Variants in SGCZ observed in about 807,000 individuals in gnomAD.
SGCZ encodes sarcoglycan zeta.
SGCZ carries 40 observed loss-of-function variants against 41.3 expected under a neutral mutation model. The observed-to-expected ratio is 0.97, with a 90% CI of 0.75 to 1.26. The LOEUF (loss-of-function observed/expected upper bound fraction) is 1.26. SGCZ is among the 50% of genes most tolerant of loss of function. The pLI, the probability that SGCZ is intolerant of heterozygous loss-of-function variation, is 0.00. For synonymous variants in SGCZ, 206 were observed against 137.5 expected, an observed-to-expected ratio of 1.50 and a Z score of -3.49; for missense variants, 552 against 369.8, an observed-to-expected ratio of 1.49 and a Z score of -4.04.
chr8:14,784,752 A>AT (rs1298659145), intron 1 of SGCZ, among the ~76,000 whole-genome samples: 1 of 150,818 alleles, frequency 6.6e-6, no homozygotes, highest in Non-Finnish European at 1.5e-5. Context: ...AAAATACAAA[A>AT]TTAGGCGGGC....
chr8:14,396,704 G>C (rs1023395953), intron 2 of SGCZ, among the ~76,000 whole-genome samples: 1 of 151,864 alleles, frequency 6.6e-6, no homozygotes, highest in African/African-American at 2.4e-5. Context: ...TTTTCTGAGA[G>C]CAATTTTCAT....
At chr8:14,335,493 T>G (rs1802477583) in intron 2 of SGCZ, among the ~76,000 whole-genome samples, 3 of 152,268 alleles carry the variant, frequency 2.0e-5, no homozygotes, top group South Asian at 4.1e-4. Context: ...AATATTAGCT[T>G]CTTTTTAACA....
At chr8:14,999,029 G>A (rs564691434) in intron 1 of SGCZ, among the ~76,000 whole-genome samples, 1 of 152,116 alleles carries the variant, frequency 6.6e-6, no homozygotes, top group Admixed American at 6.5e-5. Flanking sequence ...CCACACTTAG[G>A]GGTGTTGTGT....
chr8:14,713,780 A>C (rs1309250479), intron 1 of SGCZ, among the ~76,000 whole-genome samples: 7 of 151,762 alleles, frequency 4.6e-5, no homozygotes, highest in African/African-American at 1.5e-4. Context: ...TATTTATGTT[A>C]ATTTGTTATT....
At chr8:14,885,985 T>TTTTATATATATA in intron 1 of SGCZ, among the ~76,000 whole-genome samples, 1 of 55,984 alleles carries the variant, frequency 1.8e-5, no homozygotes, top group South Asian at 8.5e-4. Context: ...GGACTTTATG[T>TTTTATATATATA]TATATATATA....
At chr8:14,146,023 A>C (rs932637294) in intron 5 of SGCZ, among the ~76,000 whole-genome samples, 2 of 152,198 alleles carry the variant, frequency 1.3e-5, no homozygotes, top group African/African-American at 4.8e-5. Flanking sequence ...TAGAACATTT[A>C]TTCAAAAGGA....
At chr8:14,524,465 T>C (rs1802881129) in intron 2 of SGCZ, among the ~76,000 whole-genome samples, 1 of 152,082 alleles carries the variant, frequency 6.6e-6, no homozygotes, top group Admixed American at 6.6e-5. Context: ...GATACTGTAG[T>C]AGGGGTCTCC....
chr8:14,885,988 TATATATA>T lies in SGCZ; in HGVS notation c.40-331069_40-331063del, dbSNP rs1563339048. Reference sequence around the variant, plus strand: ...TTTAATCATAAAGGACTTTATGTTATATATATATATATATATATATATATATATATAT... The same window carrying T: ...TTTAATCATAAAGGACTTTATGTTATTATATATATATATATATATATATAT... On this transcript the variant is annotated intron_variant, in intron 1 of 7. Transcript: ENST00000382080. 2.4e-3 allele frequency among the ~76,000 whole-genome samples: 32 copies of T among 13,232 alleles called. No individual in the cohort carries two copies. In the South Asian group the frequency reaches 0.033, roughly 14 times the overall value. The allele number at this position is 13,232 out of a possible 152,430, so 8.7% of individuals were successfully genotyped here.
intron 1 of SGCZ, among the ~76,000 whole-genome samples, chr8:15,009,641 A>G (rs1236745705): frequency 6.6e-6 from 1 of 152,208 alleles, no homozygotes; most frequent in Non-Finnish European, 1.5e-5. Flanking sequence ...ACTGTCAATG[A>G]TATCGAGAAT....
intron 5 of SGCZ, among the ~76,000 whole-genome samples, chr8:14,120,633 G>A (rs946199643): frequency 1.3e-5 from 2 of 151,692 alleles, no homozygotes; most frequent in African/African-American, 2.4e-5. Context: ...ATAAAATATG[G>A]TTTTCTATAG....
At chr8:14,345,851 G>A (rs920311023) in intron 2 of SGCZ, among the ~76,000 whole-genome samples, 1 of 152,028 alleles carries the variant, frequency 6.6e-6, no homozygotes, top group Non-Finnish European at 1.5e-5. Flanking sequence ...AAATCCCTCT[G>A]AACTATATGA....
intron 3 of SGCZ, among the ~76,000 whole-genome samples, chr8:14,293,054 C>G (rs1011099426): frequency 6.6e-5 from 10 of 151,824 alleles, no homozygotes; most frequent in Non-Finnish European, 8.8e-5. Flanking sequence ...CGGTGATTAA[C>G]CAAATGTATA....
intron 7 of SGCZ, among the ~76,000 whole-genome samples, chr8:14,101,028 T>A (rs1010039036): frequency 6.6e-6 from 1 of 151,932 alleles, no homozygotes. Context: ...TAAAAATATA[T>A]AGACTAGCAT....
At chr8:14,714,633 A>G (rs1388910403) in intron 1 of SGCZ, among the ~76,000 whole-genome samples, 1 of 152,194 alleles carries the variant, frequency 6.6e-6, no homozygotes, top group Admixed American at 6.5e-5. Context: ...CTCAGTCTGC[A>G]GATGATTAAA....
chr8:14,957,287 A>G (rs568320871), intron 1 of SGCZ, among the ~76,000 whole-genome samples: 3 of 152,230 alleles, frequency 2.0e-5, no homozygotes, highest in East Asian at 1.9e-4. Flanking sequence ...ATAAATTTTC[A>G]TCTTCTTTTT....
chr8:14,538,291 G>T (rs945094155), intron 2 of SGCZ, among the ~76,000 whole-genome samples: 1 of 151,902 alleles, frequency 6.6e-6, no homozygotes, highest in African/African-American at 2.4e-5. Context: ...ACAACTTTAT[G>T]TCAGGCTGTA....
rs145796542 is a variant in SGCZ at position 14,310,695 on chromosome 8, G to C, written c.336+13408C>G. On this transcript the variant is annotated intron_variant, in intron 3 of 7. Transcript: ENST00000382080. The stretch of plus-strand genomic sequence containing the variant: ...CAGTGAATTGTCTTTTAGGCAACTA[G>C]ATTTGTCCTTTTATTCCTCCATCTT... 8.5e-3 allele frequency among the ~76,000 whole-genome samples: 1,299 copies of C among 152,118 alleles called. 12 individuals are homozygous for C. The highest frequency in any genetic ancestry group is 0.026 in the South Asian group (127 of 4,826).
chr8:14,237,484 A>AAAC (rs71541654), intron 4 of SGCZ, 108 bp downstream of exon 4: 214,797 of 887,244 alleles, frequency 0.24, 23,599 homozygotes, highest in Non-Finnish European at 0.28. Flanking sequence ...CTCTGTCTCA[A>AAAC]AACAACAACA....
rs111739911 is a variant in SGCZ, at chr8:14,332,188, T to C, written c.235-7984A>G. Among the ~76,000 whole-genome samples, 557 of 152,044 alleles carry C rather than the reference T, an allele frequency of 3.7e-3. 4 individuals carry two copies. Among genetic ancestry groups the C allele is most frequent in the Non-Finnish European group, 5.6e-3 (383 of 67,946 alleles). ...CAGTGGCTCACGCCTGTAATCCCAG[T>C]ACTTTGGGAGGCCGAAGCGGGCGGA... On this transcript the variant is annotated intron_variant, in intron 2 of 7. Coordinates refer to ENST00000382080, the MANE Select transcript of SGCZ (RefSeq NM_139167.4).
Sources: gnomAD v4.1 joint callset for allele counts (sites outside exome capture counted in the v4.1 genomes callset) on GRCh38, gnomAD v4.1.1 for gene constraint, MANE v1.5 for transcripts, NCBI Gene and HGNC (gene_info 2026-07-23, HGNC 2026-07-21) for gene names.